The following RGS7BP variants were observed in gnomAD, a reference collection of about 807,000 sequenced individuals.
RGS7BP encodes regulator of G protein signaling 7 binding protein.
A neutral mutation model predicts 31.3 loss-of-function variants in RGS7BP; 9 were observed. The observed-to-expected ratio is 0.29, with a 90% confidence interval of 0.17 to 0.50. The LOEUF (loss-of-function observed/expected upper bound fraction) is 0.50. Ranked by LOEUF, RGS7BP falls within the 20% of genes least tolerant of loss-of-function variation. The pLI is 0.98. For synonymous variants in RGS7BP, 115 were observed against 120.1 expected (o/e 0.96, Z 0.28); for missense variants, 274 against 322.0 (o/e 0.85, Z 1.14).
chr5:64,586,420 T>C (rs181438679), intron 3 of RGS7BP, among the ~76,000 whole-genome samples: 21 of 152,340 alleles, frequency 1.4e-4, no homozygotes, highest in Admixed American at 9.8e-4. Flanking sequence ...CTTGGACATA[T>C]GACCCATCCT....
intron 2 of RGS7BP, among the ~76,000 whole-genome samples, chr5:64,544,898 C>T (rs565387186): frequency 1.4e-4 from 21 of 152,170 alleles, no homozygotes; most frequent in Admixed American, 4.6e-4. Flanking sequence ...GGCTTTTGGC[C>T]GGGCGTGGTG....
chr5:64,507,667 T>A, intron 1 of RGS7BP, 44 bp from the exon 2 acceptor site: 1 of 1,528,048 alleles, frequency 6.5e-7, no homozygotes, highest in Non-Finnish European at 8.8e-7. Flanking sequence ...AACTTTCTGA[T>A]GAGAAATGTT....
chr5:64,607,505 A>C lies in RGS7BP; in HGVS notation c.683-1656A>C, dbSNP rs565848323. On this transcript the variant is annotated intron_variant, in intron 5 of 5. Transcript: ENST00000334025. ...GCTTCTAAGTCATAGGCAGATTCAA[A>C]GATTTTCTGATTGGCAGTTGCTTGA... 3.9e-5 allele frequency among the ~76,000 whole-genome samples: 6 copies of C among 152,186 alleles called. No homozygotes were observed. The East Asian group carries it at 9.7e-4, about 25-fold the overall frequency.
intron 5 of RGS7BP, among the ~76,000 whole-genome samples, chr5:64,603,381 C>T (rs1171630430): frequency 6.6e-6 from 1 of 152,180 alleles, no homozygotes; most frequent in African/African-American, 2.4e-5. Flanking sequence ...CTTTCTGGAG[C>T]AGTGCTCAGT....
chr5:64,552,911 G>C (rs1267601672), intron 2 of RGS7BP, among the ~76,000 whole-genome samples: 1 of 152,062 alleles, frequency 6.6e-6, no homozygotes, highest in Non-Finnish European at 1.5e-5. Context: ...GGATGTTTTT[G>C]TTTCACAGTC....
intron 2 of RGS7BP, among the ~76,000 whole-genome samples, chr5:64,554,811 T>C (rs998748970): frequency 6.6e-6 from 1 of 151,782 alleles, no homozygotes; most frequent in African/African-American, 2.4e-5. Flanking sequence ...AAGAGAAGAG[T>C]TGAAAACATG....
intron 2 of RGS7BP, among the ~76,000 whole-genome samples, chr5:64,548,839 G>A (rs893888916): frequency 3.4e-5 from 5 of 149,004 alleles, no homozygotes; most frequent in East Asian, 1.9e-4. Context: ...AGGCAAAGTC[G>A]AAAGCCCTTT....
intron 3 of RGS7BP, among the ~76,000 whole-genome samples, chr5:64,590,270 G>A (rs1418919303): frequency 6.6e-6 from 1 of 151,958 alleles, no homozygotes; most frequent in Non-Finnish European, 1.5e-5. Context: ...TCTATTTTCG[G>A]TCATATAAAA....
At position 64,601,130 on chromosome 5, in the gene RGS7BP, G is replaced by A. The variant is rs532874360; in HGVS notation, c.682+2695G>A. On this transcript the variant is annotated intron_variant, in intron 5 of 5. Coordinates refer to ENST00000334025, the MANE Select transcript of RGS7BP (RefSeq NM_001029875.3). ...TTATTGTCAAAACATGATTCTAACG[G>A]GATGAAAACCATTATAGAAAGCCAT... Among the ~76,000 whole-genome samples, 3 of 152,174 alleles carry A rather than the reference G, an allele frequency of 2.0e-5. No individual in the cohort carries two copies. The East Asian group carries it at 5.8e-4, about 29-fold the overall frequency.
At position 64,610,521 on chromosome 5, in the gene RGS7BP, C is replaced by T. The variant is rs904697271; in HGVS notation, c.*1269C>T. On this transcript the variant is annotated 3_prime_UTR_variant, in exon 6 of 6. Coordinates refer to ENST00000334025, the MANE Select transcript of RGS7BP (RefSeq NM_001029875.3). ...TAGTCTGAAAAACCTTCAAGTCAGACAGGAGGCACCAGTGTCCAGTACAAT... is the reference window on the plus strand; with the variant it reads ...TAGTCTGAAAAACCTTCAAGTCAGATAGGAGGCACCAGTGTCCAGTACAAT... The T allele has an allele frequency of 6.6e-6, 1 of 151,932 alleles. No individual in the cohort carries two copies. Among genetic ancestry groups the T allele is most frequent in the African/African-American group, 2.4e-5 (1 of 41,406 alleles). 9.4% of individuals were successfully genotyped at this position (151,932 alleles called of 1,614,324 possible).
chr5:64,574,602 A>G (rs529310696), intron 2 of RGS7BP, among the ~76,000 whole-genome samples: 1 of 152,324 alleles, frequency 6.6e-6, no homozygotes, highest in South Asian at 2.1e-4. Context: ...TGAGGCTAAG[A>G]ATTTTGCATT....
chr5:64,507,988 C>T lies in RGS7BP; in HGVS notation c.332+111C>T, dbSNP rs138264859. 9.0e-3 allele frequency: 8,347 copies of T among 926,406 alleles called. 49 individuals are homozygous for T. The highest frequency in any genetic ancestry group is 0.012 in the Non-Finnish European group (7,365 of 621,692). The allele number at this position is 926,406 out of a possible 1,614,324, so 57.4% of individuals were successfully genotyped here. A position where few individuals can be genotyped will look rare whatever the true frequency, so the allele number is the denominator to read the frequency against. ...GATCTCCACATATTTGAGATTTTAA[C>T]CTTAAGATCGAAATTCTCTAGAGAG... On this transcript the variant is annotated intron_variant, in intron 2 of 5. Transcript: ENST00000334025.
intron 2 of RGS7BP, among the ~76,000 whole-genome samples, chr5:64,533,897 T>A (rs1749438781): frequency 6.6e-6 from 1 of 152,188 alleles, no homozygotes; most frequent in Admixed American, 6.5e-5. Flanking sequence ...CCCCAGGAAA[T>A]AAAGCAGACA....
intron 2 of RGS7BP, among the ~76,000 whole-genome samples, chr5:64,542,080 C>A (rs976853940): frequency 6.6e-6 from 1 of 152,212 alleles, no homozygotes; most frequent in Non-Finnish European, 1.5e-5. Flanking sequence ...CTCTCTCTGT[C>A]TGTTCTGACA....
chr5:64,531,228 G>A (rs1749362782), intron 2 of RGS7BP, among the ~76,000 whole-genome samples: 1 of 152,214 alleles, frequency 6.6e-6, no homozygotes, highest in African/African-American at 2.4e-5. Context: ...CTAAAAAAAT[G>A]GCTCCTGCAG....
intron 5 of RGS7BP, among the ~76,000 whole-genome samples, chr5:64,603,459 A>G (rs1405498457): frequency 1.3e-5 from 2 of 152,206 alleles, no homozygotes; most frequent in African/African-American, 2.4e-5. Context: ...CATCATCAGC[A>G]TAGTGGGAAT....
chr5:64,583,804 TTC>T (rs1484597197), intron 3 of RGS7BP, among the ~76,000 whole-genome samples: 1 of 152,222 alleles, frequency 6.6e-6, no homozygotes, highest in Non-Finnish European at 1.5e-5. Context: ...ATCTAAAGCC[TTC>T]TTCTACTCTA....
intron 2 of RGS7BP, among the ~76,000 whole-genome samples, chr5:64,557,619 G>A (rs960375947): frequency 2.0e-5 from 3 of 152,158 alleles, no homozygotes; most frequent in Non-Finnish European, 4.4e-5. Flanking sequence ...ATGTGAGCAG[G>A]AACATGACTT....
At chr5:64,523,741 T>G (rs999057018) in intron 2 of RGS7BP, among the ~76,000 whole-genome samples, 12 of 152,250 alleles carry the variant, frequency 7.9e-5, no homozygotes, top group Non-Finnish European at 1.6e-4. Context: ...AGACCAAATC[T>G]TTTTAATTAG....
Sources: gnomAD v4.1 joint callset for allele counts (sites outside exome capture counted in the v4.1 genomes callset) on GRCh38, gnomAD v4.1.1 for gene constraint, MANE v1.5 for transcripts, NCBI Gene and HGNC (gene_info 2026-07-23, HGNC 2026-07-21) for gene names.